HK1: variants seen among roughly 807,000 people sequenced by gnomAD.
HK1 encodes hexokinase-1.
In HK1, 28 loss-of-function variants were observed where a neutral mutation model predicts 91.6. The observed-to-expected ratio is 0.31, with a 90% CI of 0.23 to 0.42. HK1 has a LOEUF of 0.42. HK1 is among the 10% of genes least tolerant of loss of function. HK1 has a pLI of 1.00. For synonymous variants in HK1, 430 were observed against 468.1 expected (o/e 0.92, Z 1.05); for missense variants, 770 against 1,219.8 (o/e 0.63, Z 5.49).
rs1177446575 is a variant in HK1 at position 69,338,945 on chromosome 10, T to G, written c.64-4882T>G. The stretch of plus-strand genomic sequence containing the variant: ...TCTTCCTGGGTTTCTGGCAGAGATC[T>G]GGAGCAACTGGGCAGGAGAGATTTC... On this transcript the variant is annotated intron_variant, in intron 1 of 17. Transcript: ENST00000359426. Among the ~76,000 whole-genome samples, 4 of 152,172 alleles carry G rather than the reference T, an allele frequency of 2.6e-5. No individual in the cohort carries two copies. The East Asian group carries it at 7.7e-4, about 29-fold the overall frequency.
At chr10:69,316,069 A>T, upstream of HK1, 1 of 1,411,138 alleles carries the variant, frequency 7.1e-7, no homozygotes, top group Non-Finnish European at 1.0e-6. Flanking sequence ...ATGAGAGGGG[A>T]TGCTTGGTCA....
At chr10:69,338,385 CCTGACCAGA>C in intron 1 of HK1, 1 of 1,205,806 alleles carries the variant, frequency 8.3e-7, no homozygotes, top group East Asian at 5.8e-5. Context: ...TCCATCCCAG[CCTGACCAGA>C]CTGACCAGAG....
At chr10:69,294,884 C>T (rs1020045694) in intron 3 of HK1, among the ~76,000 whole-genome samples, 1 of 151,200 alleles carries the variant, frequency 6.6e-6, no homozygotes, top group African/African-American at 2.4e-5. Flanking sequence ...AATAAATAAG[C>T]CAGGTGTGGT....
chr10:69,344,064 CA>C, intron 2 of HK1, 75 bp downstream of exon 2: 1 of 1,453,522 alleles, frequency 6.9e-7, no homozygotes, highest in South Asian at 1.1e-5. Flanking sequence ...TTCATTTGTT[CA>C]TACATTTGCT....
intron 15 of HK1, among the ~76,000 whole-genome samples, chr10:69,393,305 CTTTTCT>C (rs1839990109): frequency 6.9e-6 from 1 of 145,522 alleles, no homozygotes; most frequent in Admixed American, 7.0e-5. Context: ...CTTTTCTTTT[CTTTTCT>C]TTTTTTTTTG....
In HK1 at chr10:69,393,290, T is replaced by TTTTTC. The variant is rs752233541; in HGVS notation, c.2219+1002_2219+1006dup. On this transcript the variant is annotated intron_variant, in intron 15 of 17. Coordinates refer to ENST00000359426, the MANE Select transcript of HK1 (RefSeq NM_000188.3). ...GCCACCGCAACCAGCCCTTATAGTC[T>TTTTTC]TTTTCTTTTCTTTTCTTTTCTTTTT... is the stretch of plus-strand genomic sequence containing the variant. Among the ~76,000 whole-genome samples the TTTTTC allele has an allele frequency of 2.1e-4, 31 of 150,426 alleles. No homozygotes were observed. The East Asian group carries it at 2.2e-3, about 11-fold the overall frequency.
In HK1 at chr10:69,398,778, T is replaced by C; in HGVS notation, c.2559T>C (p.Arg853=). ...DKIRENRGLD[R]LNVTVGVDGT... ...TCCGCGAGAACAGAGGACTGGACCG[T>C]CTGAATGTGACTGTGGGAGTGGACG... Residue 853 remains arginine (R), a synonymous_variant, in exon 17 of 18, where the codon CGT becomes CGC. Coordinates refer to ENST00000359426, the MANE Select transcript of HK1 (RefSeq NM_000188.3). 6.2e-7 allele frequency: 1 copy of C among 1,614,102 alleles called. No homozygotes were observed. The highest frequency in any genetic ancestry group is 2.2e-5 in the East Asian group (1 of 44,878).
At chr10:69,294,453 G>A (rs988800832) in intron 3 of HK1, among the ~76,000 whole-genome samples, 1 of 152,326 alleles carries the variant, frequency 6.6e-6, no homozygotes, top group African/African-American at 2.4e-5. Context: ...CAGGGGCAGT[G>A]GCTCACATCT....
At chr10:69,390,380 ATAG>A in intron 14 of HK1, among the ~76,000 whole-genome samples, 1 of 13,588 alleles carries the variant, frequency 7.4e-5, no homozygotes, top group Non-Finnish European at 1.3e-4. Context: ...GCTACATTTC[ATAG>A]CTACTTCATA....
chr10:69,370,342 C>A (rs763526127), intron 7 of HK1, among the ~76,000 whole-genome samples: 9 of 151,772 alleles, frequency 5.9e-5, no homozygotes, highest in Non-Finnish European at 1.3e-4. Flanking sequence ...AAAAAAAAAT[C>A]CTCAAATTAT....
In HK1 at chr10:69,306,127, C is replaced by T. The variant is rs977371382; in HGVS notation, c.27+5266C>T. Reference sequence around the variant, plus strand: ...ATCCCAGCACTTTGGGAGGCCAAGGCGGGCAGATCATGAGGTCAGGAGATT... The same window carrying T: ...ATCCCAGCACTTTGGGAGGCCAAGGTGGGCAGATCATGAGGTCAGGAGATT... On this transcript the variant is annotated intron_variant, in intron 5 of 21. Transcript: ENST00000360289. 5.3e-5 allele frequency among the ~76,000 whole-genome samples: 8 copies of T among 151,842 alleles called. No homozygotes were observed. The South Asian group carries it at 6.2e-4, about 12-fold the overall frequency.
At chr10:69,377,142 A>AT in intron 8 of HK1, 53 bp downstream of exon 8, 4 of 1,605,074 alleles carry the variant, frequency 2.5e-6, no homozygotes, top group Non-Finnish European at 3.4e-6. Context: ...GAGAAGAGCA[A>AT]TTGGTCCCTT....
intron 1 of HK1, among the ~76,000 whole-genome samples, chr10:69,329,643 A>C (rs1370740569): frequency 2.3e-4 from 35 of 152,130 alleles, no homozygotes; most frequent in Admixed American, 2.2e-3. Context: ...GGATAGGAAC[A>C]CTACTGCTGG....
In HK1 at chr10:69,382,790, C is replaced by G. The variant is rs1000672130; in HGVS notation, c.1569C>G (p.Thr523=). Residue 523 remains threonine, a splice_region_variant and synonymous_variant, in exon 10 of 18, where the codon ACC becomes ACG. Transcript: ENST00000359426. The stretch of plus-strand genomic sequence containing the variant: ...TCGTCCGGAGAACTCCCGACGGGAC[C>G]GGTGAGGGCCTGCTGGGGGCTGACA... ...PSFVRRTPDG[T]ENGDFLALDL... The G allele has an allele frequency of 1.2e-6, 2 of 1,610,030 alleles. No homozygotes were observed. Among genetic ancestry groups the G allele is most frequent in the Admixed American group, 1.7e-5 (1 of 59,386 alleles).
rs778496619 is a variant in HK1, at chr10:69,401,099, C to T, written c.2718C>T (p.Ala906=). ...GSGKGAALIT[A]VGVRLRTEAS... ...GCAAGGGGGCCGCCCTCATCACGGC[C>T]GTGGGCGTGCGGTTACGCACAGAGG... Residue 906 remains alanine (A), a synonymous_variant, in exon 18 of 18, where the codon GCC becomes GCT. Transcript: ENST00000359426. 8.7e-6 allele frequency: 14 copies of T among 1,614,012 alleles called. No individual in the cohort carries two copies. Among genetic ancestry groups the T allele is most frequent in the African/African-American group, 1.3e-5 (1 of 74,950 alleles).
At chr10:69,385,030 C>T in intron 12 of HK1, 115 bp downstream of exon 12, 4 of 1,136,074 alleles carry the variant, frequency 3.5e-6, no homozygotes, top group Non-Finnish European at 5.3e-6. Flanking sequence ...ATGACAGTCA[C>T]AGTCACAGTG....
chr10:69,270,568 C>T (rs552253836), intron 1 of HK1, among the ~76,000 whole-genome samples: 2 of 150,322 alleles, frequency 1.3e-5, no homozygotes, highest in South Asian at 4.2e-4. Flanking sequence ...GGGTACACAG[C>T]GAGTCTGTCT....
intron 7 of HK1, among the ~76,000 whole-genome samples, chr10:69,375,555 G>GGCTCTGT (rs1357417698): frequency 8.5e-5 from 13 of 152,208 alleles, no homozygotes; most frequent in African/African-American, 3.1e-4. Context: ...TTTTTAAGGA[G>GGCTCTGT]GCTCTGTGCC....
chr10:69,348,200 A>G (rs1848664969), intron 2 of HK1, among the ~76,000 whole-genome samples: 1 of 152,180 alleles, frequency 6.6e-6, no homozygotes, highest in South Asian at 2.1e-4. Flanking sequence ...CCAAAGGAGA[A>G]GTAAAAAAAA....
Sources: gnomAD v4.1 joint callset for allele counts (sites outside exome capture counted in the v4.1 genomes callset) on GRCh38, gnomAD v4.1.1 for gene constraint, MANE v1.5 for transcripts, NCBI Gene and HGNC (gene_info 2026-07-23, HGNC 2026-07-21) for gene names.